The following NRG3 variants were observed in gnomAD, a reference collection of about 807,000 sequenced individuals.
NRG3 encodes pro-neuregulin-3, membrane-bound isoform.
Under a neutral mutation model 66.9 loss-of-function variants are expected in NRG3, and 31 were observed. That is an observed-to-expected ratio of 0.46 (90% CI 0.35 to 0.63). The LOEUF (loss-of-function observed/expected upper bound fraction) is 0.63, where lower values mean the gene tolerates loss of function less well. Ranked by LOEUF, NRG3 falls within the 20% of genes least tolerant of loss-of-function variation. The probability of loss-of-function intolerance (pLI) is 0.00; values close to 1 mark genes in which losing one functional copy is unlikely to be tolerated. For synonymous variants in NRG3, 393 were observed against 359.4 expected (o/e 1.09, Z -1.06); for missense variants, 910 against 878.9 (o/e 1.04, Z -0.45).
chr10:82,178,239 A>G (rs944978708), intron 1 of NRG3, among the ~76,000 whole-genome samples: 3 of 152,210 alleles, frequency 2.0e-5, no homozygotes, highest in Non-Finnish European at 4.4e-5. Context: ...TTAAAAATGC[A>G]TAAAATAAAA....
intron 3 of NRG3, among the ~76,000 whole-genome samples, chr10:82,798,501 T>A (rs1446674721): frequency 6.6e-6 from 1 of 152,138 alleles, no homozygotes; most frequent in African/African-American, 2.4e-5. Context: ...AGGTTTACAG[T>A]TCCAAGGGGA....
chr10:82,957,436 A>T (rs151196424), intron 5 of NRG3, among the ~76,000 whole-genome samples: 146 of 151,988 alleles, frequency 9.6e-4, no homozygotes, highest in Non-Finnish European at 1.9e-3. Context: ...GTTGGAAGAC[A>T]GGCAAAATTC....
At chr10:82,501,030 T>C (rs1169488313) in intron 2 of NRG3, among the ~76,000 whole-genome samples, 1 of 152,174 alleles carries the variant, frequency 6.6e-6, no homozygotes, top group Non-Finnish European at 1.5e-5. Context: ...GGAAAATTAA[T>C]AAATTTAATT....
chr10:82,195,751 A>C (rs2074413429), intron 1 of NRG3, among the ~76,000 whole-genome samples: 1 of 152,170 alleles, frequency 6.6e-6, no homozygotes, highest in Admixed American at 6.5e-5. Flanking sequence ...CTACCTGGGT[A>C]AAATTAATGT....
At chr10:82,517,132 A>AT (rs1051972534) in intron 2 of NRG3, among the ~76,000 whole-genome samples, 10 of 151,654 alleles carry the variant, frequency 6.6e-5, no homozygotes, top group South Asian at 2.1e-4. Context: ...TATCTGACAG[A>AT]TTTTTTTTTC....
intron 1 of NRG3, among the ~76,000 whole-genome samples, chr10:82,012,442 T>C (rs182129226): frequency 7.9e-5 from 12 of 152,334 alleles, no homozygotes; most frequent in African/African-American, 2.9e-4. Context: ...ACCCATTGTC[T>C]TGACAATTAA....
intron 2 of NRG3, among the ~76,000 whole-genome samples, chr10:82,478,855 A>T (rs1483280585): frequency 6.6e-6 from 1 of 152,270 alleles, no homozygotes; most frequent in Non-Finnish European, 1.5e-5. Flanking sequence ...TCTTCTATTT[A>T]GGAAATAATT....
At chr10:81,912,605 T>G (rs2132767365) in intron 1 of NRG3, among the ~76,000 whole-genome samples, 1 of 152,282 alleles carries the variant, frequency 6.6e-6, no homozygotes, top group Non-Finnish European at 1.5e-5. Flanking sequence ...AGCAGAGTGT[T>G]ATAAGAGAGA....
intron 2 of NRG3, among the ~76,000 whole-genome samples, chr10:82,738,167 T>C (rs1359081516): frequency 6.6e-6 from 1 of 152,136 alleles, no homozygotes; most frequent in Non-Finnish European, 1.5e-5. Flanking sequence ...AATAGATCCA[T>C]TATATTTCAA....
chr10:82,408,085 CAG>C, intron 2 of NRG3, among the ~76,000 whole-genome samples: 1 of 74,854 alleles, frequency 1.3e-5, no homozygotes, highest in Admixed American at 1.7e-4. Flanking sequence ...GAGAGAGAGA[CAG>C]AAAGAAAGAA....
chr10:82,232,170 A>C (rs1416714283), intron 1 of NRG3: 1 of 152,268 alleles, frequency 6.6e-6, no homozygotes, highest in African/African-American at 2.4e-5. Context: ...CAGCAGGGAA[A>C]ACACACCTTA....
At chr10:82,347,741 C>T (rs1175956787) in intron 1 of NRG3, among the ~76,000 whole-genome samples, 1 of 152,180 alleles carries the variant, frequency 6.6e-6, no homozygotes, top group Non-Finnish European at 1.5e-5. Flanking sequence ...CTTTATGAAT[C>T]TGAATGCTCC....
intron 3 of NRG3, among the ~76,000 whole-genome samples, chr10:82,752,257 A>G (rs1565276535): frequency 6.6e-6 from 1 of 152,304 alleles, no homozygotes; most frequent in Non-Finnish European, 1.5e-5. Context: ...CACATGGTTC[A>G]GTATCAAACA....
chr10:82,174,445 A>G (rs1160715744), intron 1 of NRG3, among the ~76,000 whole-genome samples: 3 of 151,856 alleles, frequency 2.0e-5, no homozygotes, highest in East Asian at 1.9e-4. Flanking sequence ...GCCTCCTTTA[A>G]TAATGCTAAT....
At position 82,497,074 on chromosome 10, in the gene NRG3, G is replaced by A. The variant is rs73307855; in HGVS notation, c.953+138206G>A. 4.5e-3 allele frequency among the ~76,000 whole-genome samples: 688 copies of A among 152,206 alleles called. 5 individuals carry two copies. The highest frequency in any genetic ancestry group is 0.016 in the African/African-American group (658 of 41,544). ...ACTGCCAGTCATTCTGGGTAAAAGC[G>A]TCAGGTTTTTCTTAACTCTGTTGAG... On this transcript the variant is annotated intron_variant, in intron 2 of 8. Transcript: ENST00000372141.
chr10:82,454,906 A>G (rs1211224742), intron 2 of NRG3, among the ~76,000 whole-genome samples: 1 of 152,208 alleles, frequency 6.6e-6, no homozygotes, highest in Non-Finnish European at 1.5e-5. Context: ...TTTGCAACGT[A>G]CTCTCATTGA....
At chr10:82,457,328 C>G (rs1375265378) in intron 2 of NRG3, among the ~76,000 whole-genome samples, 1 of 152,102 alleles carries the variant, frequency 6.6e-6, no homozygotes, top group Non-Finnish European at 1.5e-5. Flanking sequence ...CTCAAATCAT[C>G]AGGTATTAGA....
intron 2 of NRG3, among the ~76,000 whole-genome samples, chr10:82,536,162 T>A (rs1847796704): frequency 6.6e-6 from 1 of 152,208 alleles, no homozygotes; most frequent in Non-Finnish European, 1.5e-5. Context: ...TCTGTGTTCT[T>A]TACAAAGCAG....
intron 1 of NRG3, among the ~76,000 whole-genome samples, chr10:82,311,001 A>T (rs962659752): frequency 1.5e-5 from 2 of 135,548 alleles, no homozygotes; most frequent in Non-Finnish European, 3.0e-5. Flanking sequence ...TCCTCCCCTG[A>T]TTACTGATGA....
Sources: gnomAD v4.1 joint callset for allele counts (sites outside exome capture counted in the v4.1 genomes callset) on GRCh38, gnomAD v4.1.1 for gene constraint, MANE v1.5 for transcripts, NCBI Gene and HGNC (gene_info 2026-07-23, HGNC 2026-07-21) for gene names.